DTNA: variants seen among roughly 807,000 people sequenced by gnomAD.
The protein encoded by DTNA is dystrobrevin alpha.
A neutral mutation model predicts 100.7 loss-of-function variants in DTNA; 43 were observed. That is an observed-to-expected ratio of 0.43 (90% CI 0.33 to 0.55). The LOEUF is 0.55. Ranked by LOEUF, DTNA falls within the 20% of genes least tolerant of loss-of-function variation. DTNA has a pLI of 0.04. For synonymous variants in DTNA, 349 were observed against 347.9 expected, an observed-to-expected ratio of 1.00 and a Z score of -0.04; for missense variants, 798 against 953.9, an observed-to-expected ratio of 0.84 and a Z score of 2.15.
chr18:34,696,113 C>G (rs2080497816), intron 1 of DTNA, among the ~76,000 whole-genome samples: 1 of 152,162 alleles, frequency 6.6e-6, no homozygotes, highest in Non-Finnish European at 1.5e-5. Flanking sequence ...CAGTGCTGTT[C>G]CTTATACTGG....
At chr18:34,752,419 G>A (rs1396287413) in intron 1 of DTNA, among the ~76,000 whole-genome samples, 3 of 152,212 alleles carry the variant, frequency 2.0e-5, no homozygotes, top group African/African-American at 7.2e-5. Context: ...TCCCATTGAT[G>A]AGAGTTAAAT....
At chr18:34,812,506 T>TGAA (rs2095505796) in intron 6 of DTNA, among the ~76,000 whole-genome samples, 1 of 152,120 alleles carries the variant, frequency 6.6e-6, no homozygotes. Flanking sequence ...TGGTGGAAGG[T>TGAA]GAAGGGAAGC....
chr18:34,874,129 C>A (rs553805787), intron 17 of DTNA, among the ~76,000 whole-genome samples: 378 of 152,262 alleles, frequency 2.5e-3, no homozygotes, highest in Non-Finnish European at 3.8e-3. Flanking sequence ...GTGTTTTAAC[C>A]ACAAGCCACT....
In DTNA at chr18:34,867,398, A is replaced by G. The variant is rs533706210; in HGVS notation, c.1743+3336A>G. 12 of 1,228,520 alleles carry G rather than the reference A, an allele frequency of 9.8e-6. No individual in the cohort carries two copies. In the South Asian group the frequency reaches 3.4e-4, roughly 35 times the overall value. 76.1% of individuals were successfully genotyped at this position (1,228,520 alleles called of 1,614,324 possible). A position where few individuals can be genotyped will look rare whatever the true frequency, so the allele number is the denominator to read the frequency against. ...TTAAAGTCAAATTTTAACAGAAGAC[A>G]GTCCCCCTGGGTGAAGGACACATAA... On this transcript the variant is annotated intron_variant, in intron 17 of 22. Transcript: ENST00000444659.
At chr18:34,813,261 G>A (rs768254448) in intron 6 of DTNA, among the ~76,000 whole-genome samples, 1 of 151,962 alleles carries the variant, frequency 6.6e-6, no homozygotes, top group Non-Finnish European at 1.5e-5. Context: ...GAGCTCAGGA[G>A]TTCAAAACCA....
At chr18:34,557,070 C>T (rs1315163127) in intron 1 of DTNA, among the ~76,000 whole-genome samples, 4 of 150,990 alleles carry the variant, frequency 2.6e-5, no homozygotes, top group Non-Finnish European at 5.9e-5. Context: ...TTGCTCATTT[C>T]TTATTCTTTT....
At chr18:34,698,500 T>C (rs889297949) in intron 1 of DTNA, among the ~76,000 whole-genome samples, 1 of 152,236 alleles carries the variant, frequency 6.6e-6, no homozygotes, top group Non-Finnish European at 1.5e-5. Context: ...CCCCCGTTTG[T>C]ATGTCTCTTT....
chr18:34,799,060 C>G (rs942308597), intron 4 of DTNA, among the ~76,000 whole-genome samples: 1 of 152,168 alleles, frequency 6.6e-6, no homozygotes, highest in Non-Finnish European at 1.5e-5. Context: ...CCTAATCTTT[C>G]CAGTTTCTGG....
intron 1 of DTNA, among the ~76,000 whole-genome samples, chr18:34,749,646 T>A (rs5006899): frequency 0.39 from 7,295 of 18,738 alleles, 239 homozygotes; most frequent in Non-Finnish European, 0.49. Flanking sequence ...CTCCAAAAAA[T>A]AATAATAATA....
intron 1 of DTNA, among the ~76,000 whole-genome samples, chr18:34,572,953 C>G (rs969768124): frequency 2.6e-5 from 4 of 152,198 alleles, no homozygotes; most frequent in Non-Finnish European, 5.9e-5. Context: ...GGGCAAGTCA[C>G]TTAATCTCTC....
At chr18:34,564,743 A>G (rs901182569) in intron 1 of DTNA, among the ~76,000 whole-genome samples, 3 of 152,202 alleles carry the variant, frequency 2.0e-5, no homozygotes, top group Non-Finnish European at 4.4e-5. Flanking sequence ...TTATTTGCAA[A>G]TAAGTAATAC....
chr18:34,498,877 A>G lies in DTNA; in HGVS notation c.-2+5363A>G, dbSNP rs549805362. On this transcript the variant is annotated intron_variant, in intron 1 of 19. Coordinates refer to the DTNA transcript ENST00000283365. ...TTTTGCATTGCCAAACATAATCTGC[A>G]TAATTAGAATATATTCAATCAATAC... Among the ~76,000 whole-genome samples the G allele has an allele frequency of 5.9e-5, 9 of 152,370 alleles. No homozygotes were observed. The East Asian group carries it at 1.7e-3, about 29-fold the overall frequency.
At chr18:34,838,697 G>T in intron 12 of DTNA, 48 bp from the exon 13 acceptor site, 1 of 1,525,104 alleles carries the variant, frequency 6.6e-7, no homozygotes, top group Non-Finnish European at 9.1e-7. Flanking sequence ...ACTTATTTCT[G>T]TCCACCTCTC....
chr18:34,697,564 C>A (rs58973331), intron 1 of DTNA, among the ~76,000 whole-genome samples: 3,698 of 152,104 alleles, frequency 0.024, 174 homozygotes, highest in African/African-American at 0.085. Context: ...AAAAAAGGTT[C>A]CTGAAAAGGG....
intron 1 of DTNA, among the ~76,000 whole-genome samples, chr18:34,715,086 T>G (rs1042196720): frequency 1.3e-5 from 2 of 149,750 alleles, no homozygotes; most frequent in African/African-American, 2.5e-5. Flanking sequence ...AGGGATAGCA[T>G]TGGGAGATAT....
intron 1 of DTNA, among the ~76,000 whole-genome samples, chr18:34,556,439 T>G (rs1033056589): frequency 1.3e-5 from 2 of 150,898 alleles, no homozygotes; most frequent in African/African-American, 4.8e-5. Context: ...ATTTTGCTCG[T>G]TAGTTGATGC....
chr18:34,796,503 T>C (rs1337453414), intron 4 of DTNA, among the ~76,000 whole-genome samples: 1 of 152,218 alleles, frequency 6.6e-6, no homozygotes, highest in East Asian at 1.9e-4. Context: ...CAGACATGAA[T>C]GATCCTGATA....
At chr18:34,833,213 T>C (rs1300510565) in intron 11 of DTNA, among the ~76,000 whole-genome samples, 2 of 152,194 alleles carry the variant, frequency 1.3e-5, no homozygotes, top group Non-Finnish European at 2.9e-5. Flanking sequence ...AAGTGGTTTT[T>C]AAAAATATAT....
At chr18:34,709,421 GGGA>G (rs2082508647), upstream of DTNA, 1 of 152,244 alleles carries the variant, frequency 6.6e-6, no homozygotes, top group Non-Finnish European at 1.5e-5. Flanking sequence ...GTACCATGGT[GGGA>G]GGAAGGACCA....
Sources: allele counts gnomAD v4.1 joint callset (sites outside exome capture counted in the v4.1 genomes callset), GRCh38; gene constraint gnomAD v4.1.1; transcripts MANE v1.5; gene names NCBI Gene and HGNC (gene_info 2026-07-23, HGNC 2026-07-21).